The following METTL8 variants were observed in gnomAD, a reference collection of about 807,000 sequenced individuals.
The protein encoded by METTL8 is tRNA N(3)-cytidine methyltransferase METTL8, mitochondrial.
A neutral mutation model predicts 48.7 loss-of-function variants in METTL8; 32 were observed. The ratio of observed to expected loss-of-function variants is 0.66; its 90% CI spans 0.50 to 0.88. The LOEUF is 0.88. METTL8 is among the 40% of genes least tolerant of loss of function. The pLI is 0.00. For missense variants in METTL8, 464 were observed against 474.4 expected (o/e 0.98, Z 0.20); for synonymous variants, 136 against 157.1 (o/e 0.87, Z 1.01).
intron 1 of METTL8, among the ~76,000 whole-genome samples, chr2:171,425,243 T>A (rs1692284266): frequency 6.6e-6 from 1 of 152,194 alleles, no homozygotes; most frequent in Non-Finnish European, 1.5e-5. Flanking sequence ...GAGAACGGAC[T>A]AATACAATGC....
chr2:171,331,804 C>G lies in METTL8; in HGVS notation c.720G>C (p.Lys240Asn). ...DFASGAVELVKSHSSYRATQC... is the reference protein window; with the variant it reads ...DFASGAVELVNSHSSYRATQC... Reference sequence around the variant, plus strand: ...GGTATGATTCCCAGGAGTAGCATACCTTTACGAGCTCCACAGCTCCAGAAG... The same window carrying G: ...GGTATGATTCCCAGGAGTAGCATACGTTTACGAGCTCCACAGCTCCAGAAG... The change falls in exon 6 of 10, where the codon AAG (lysine) becomes AAC (asparagine). Residue 240 changes from lysine to asparagine, a missense_variant and splice_region_variant. Physicochemically the swap from Lys to Asn is moderately conservative, Grantham distance 94. Coordinates refer to ENST00000375258, the MANE Select transcript of METTL8 (RefSeq NM_001321154.2). The G allele has an allele frequency of 6.2e-7, 1 of 1,602,156 alleles. No homozygotes were observed. The highest frequency in any genetic ancestry group is 8.5e-7 in the Non-Finnish European group (1 of 1,173,478).
At chr2:171,434,692 C>T (rs1298229673), upstream of METTL8, 8 of 1,493,964 alleles carry the variant, frequency 5.4e-6, no homozygotes, top group Non-Finnish European at 6.2e-6. Flanking sequence ...CCTGCGGGCG[C>T]TGGTGTGCCA....
intron 2 of METTL8, among the ~76,000 whole-genome samples, chr2:171,387,044 A>G (rs1382715325): frequency 6.6e-6 from 1 of 152,192 alleles, no homozygotes; most frequent in Non-Finnish European, 1.5e-5. Context: ...ACTTCCACTC[A>G]GTAAAACCTT....
intron 2 of METTL8, among the ~76,000 whole-genome samples, chr2:171,374,008 T>G (rs1686670964): frequency 6.6e-6 from 1 of 152,226 alleles, no homozygotes; most frequent in Admixed American, 6.5e-5. Context: ...TTTTTCCAAT[T>G]CTGTGAAGAA....
At position 171,387,679 on chromosome 2, in the gene METTL8, T is replaced by G. The variant is rs184400415; in HGVS notation, c.143+4364A>C. On this transcript the variant is annotated intron_variant, in intron 2 of 9. Transcript: ENST00000375258. ...AATTGAGATTGTTTACCTTATTTTTTGTACTAAGTTTTTAAAATTTTACAG... is the reference window on the plus strand; with the variant it reads ...AATTGAGATTGTTTACCTTATTTTTGGTACTAAGTTTTTAAAATTTTACAG... 2.3e-3 allele frequency among the ~76,000 whole-genome samples: 343 copies of G among 152,244 alleles called. 3 individuals are homozygous for G. Among genetic ancestry groups the G allele is most frequent in the East Asian group, 0.014 (75 of 5,190 alleles).
rs138208379 is a variant in METTL8, at chr2:171,387,802, T to TA, written c.143+4240dup. On this transcript the variant is annotated intron_variant, in intron 2 of 9. Coordinates refer to ENST00000375258, the MANE Select transcript of METTL8 (RefSeq NM_001321154.2). ...ATTGTATAGTGTAGAACTAATTAAT[T>TA]AAAAAATCAATGTATTCCCTTTCAA... Among the ~76,000 whole-genome samples, 95 of 152,134 alleles carry TA rather than the reference T, an allele frequency of 6.2e-4. 1 individual carries two copies. The East Asian group carries it at 0.018, about 29-fold the overall frequency.
intron 1 of METTL8, among the ~76,000 whole-genome samples, chr2:171,429,341 G>A (rs1257496237): frequency 6.6e-6 from 1 of 152,194 alleles, no homozygotes; most frequent in African/African-American, 2.4e-5. Flanking sequence ...ATGAAGCCAT[G>A]ACATACTGAA....
At chr2:171,423,708 T>C (rs1429934217) in intron 1 of METTL8, among the ~76,000 whole-genome samples, 2 of 152,192 alleles carry the variant, frequency 1.3e-5, no homozygotes, top group African/African-American at 2.4e-5. Flanking sequence ...AAGAAATTTC[T>C]AAGCAGCAAA....
chr2:171,335,590 A>T (rs1575741143), intron 5 of METTL8, among the ~76,000 whole-genome samples: 2 of 152,028 alleles, frequency 1.3e-5, no homozygotes, highest in East Asian at 3.9e-4. Flanking sequence ...ACACTCAGCT[A>T]ATTTTTGTAT....
At chr2:171,359,252 G>A (rs76431902) in intron 3 of METTL8, among the ~76,000 whole-genome samples, 8 of 150,626 alleles carry the variant, frequency 5.3e-5, no homozygotes, top group African/African-American at 1.7e-4. Context: ...ACAGCTATAC[G>A]AAAAAATGCT....
chr2:171,429,208 T>A (rs1158801555), intron 1 of METTL8, among the ~76,000 whole-genome samples: 1 of 152,232 alleles, frequency 6.6e-6, no homozygotes, highest in East Asian at 1.9e-4. Context: ...AAGATTTGAA[T>A]TCACACGTGT....
chr2:171,378,183 AAG>A (rs1687163543), intron 2 of METTL8, among the ~76,000 whole-genome samples: 1 of 152,252 alleles, frequency 6.6e-6, no homozygotes, highest in South Asian at 2.1e-4. Context: ...TGCTGTACTC[AAG>A]AGACTCAACT....
chr2:171,355,261 C>T (rs1199359346), intron 3 of METTL8, among the ~76,000 whole-genome samples: 1 of 152,206 alleles, frequency 6.6e-6, no homozygotes, highest in Non-Finnish European at 1.5e-5. Context: ...CTAGGTATCA[C>T]CAGTGGAGGC....
chr2:171,337,797 A>G (rs980913735), intron 4 of METTL8, among the ~76,000 whole-genome samples: 14 of 145,244 alleles, frequency 9.6e-5, no homozygotes, highest in Non-Finnish European at 2.0e-4. Flanking sequence ...GCTCATTAGG[A>G]AAAAAAAAAA....
At chr2:171,394,267 C>T (rs534803318) in intron 1 of METTL8, among the ~76,000 whole-genome samples, 1 of 151,958 alleles carries the variant, frequency 6.6e-6, no homozygotes, top group Non-Finnish European at 1.5e-5. Flanking sequence ...GAAAGAGAGG[C>T]AATTCATGCT....
At chr2:171,345,807 A>C (rs1457070374) in intron 3 of METTL8, among the ~76,000 whole-genome samples, 1 of 152,212 alleles carries the variant, frequency 6.6e-6, no homozygotes, top group African/African-American at 2.4e-5. Context: ...TAACTGAGAT[A>C]TGACACACTG....
rs534514286 is a variant in METTL8 at position 171,402,523 on chromosome 2, G to A, written c.-12-10326C>T. Among the ~76,000 whole-genome samples, 6 of 152,212 alleles carry A rather than the reference G, an allele frequency of 3.9e-5. No individual in the cohort carries two copies. The East Asian group carries it at 9.6e-4, about 24-fold the overall frequency. ...TCTATATGGTAATGACTTAGAATGC[G>A]AGTCATTTGTATGCACTCATATTTA... On this transcript the variant is annotated intron_variant, in intron 1 of 9. Coordinates refer to ENST00000375258, the MANE Select transcript of METTL8 (RefSeq NM_001321154.2).
chr2:171,430,008 C>G (rs749794899), intron 1 of METTL8, among the ~76,000 whole-genome samples: 2 of 151,636 alleles, frequency 1.3e-5, no homozygotes, highest in Non-Finnish European at 2.9e-5. Context: ...CCATTGCACT[C>G]CAGCCTGGGC....
chr2:171,380,484 C>T (rs1424486225), intron 2 of METTL8, among the ~76,000 whole-genome samples: 3 of 152,068 alleles, frequency 2.0e-5, no homozygotes, highest in Non-Finnish European at 2.9e-5. Context: ...TGACATGATC[C>T]TATATTTAGA....
Sources: gnomAD v4.1 joint callset for allele counts (sites outside exome capture counted in the v4.1 genomes callset) on GRCh38, gnomAD v4.1.1 for gene constraint, MANE v1.5 for transcripts, NCBI Gene and HGNC (gene_info 2026-07-23, HGNC 2026-07-21) for gene names.